Variants in KCNIP4 observed in about 807,000 individuals in gnomAD.
KCNIP4 encodes the protein potassium voltage-gated channel interacting protein 4.
Under a neutral mutation model 34.0 loss-of-function variants are expected in KCNIP4, and 12 were observed. The ratio of observed to expected loss-of-function variants is 0.35; its 90% CI spans 0.23 to 0.57. KCNIP4 has a LOEUF of 0.57. Among genes scored for constraint, KCNIP4 ranks in the 20% least tolerant of loss-of-function variants. The pLI, the probability that KCNIP4 is intolerant of heterozygous loss-of-function variation, is 0.83. For synonymous variants in KCNIP4, 124 were observed against 102.2 expected (o/e 1.21, Z -1.29); for missense variants, 238 against 311.7 (o/e 0.76, Z 1.78).
chr4:21,127,498 C>T (rs978426490), intron 1 of KCNIP4, among the ~76,000 whole-genome samples: 3 of 152,134 alleles, frequency 2.0e-5, no homozygotes, highest in Admixed American at 1.3e-4. Context: ...ATCATCTGCA[C>T]TTCCATCTTA....
At position 20,855,451 on chromosome 4, in the gene KCNIP4, C is replaced by T. The variant is rs868291754; in HGVS notation, c.164-4784G>A. Among the ~76,000 whole-genome samples, 3 of 152,270 alleles carry T rather than the reference C, an allele frequency of 2.0e-5. No individual in the cohort carries two copies. In the South Asian group the frequency reaches 6.2e-4, roughly 32 times the overall value. On this transcript the variant is annotated intron_variant, in intron 2 of 8. Transcript: ENST00000382152. ...ATCCCAGAGCCACTAGGACCCCAAT[C>T]CCTTGTCCCATGGGTCAGTTGGAAA...
intron 1 of KCNIP4, among the ~76,000 whole-genome samples, chr4:21,826,749 CA>C (rs1722698553): frequency 6.6e-6 from 1 of 151,946 alleles, no homozygotes; most frequent in Non-Finnish European, 1.5e-5. Flanking sequence ...CTATACATAG[CA>C]AAATATATTT....
chr4:20,904,800 C>T (rs1263403634), intron 1 of KCNIP4, among the ~76,000 whole-genome samples: 4 of 152,116 alleles, frequency 2.6e-5, no homozygotes, highest in Non-Finnish European at 4.4e-5. Context: ...TCCTTTCTGT[C>T]TAAACCAATC....
chr4:21,498,201 C>A (rs1479490350), intron 1 of KCNIP4, among the ~76,000 whole-genome samples: 1 of 152,234 alleles, frequency 6.6e-6, no homozygotes, highest in East Asian at 1.9e-4. Flanking sequence ...ATATAGAAAA[C>A]TAATACGAAA....
intron 3 of KCNIP4, among the ~76,000 whole-genome samples, chr4:20,820,965 A>G (rs1717031763): frequency 6.6e-6 from 1 of 152,198 alleles, no homozygotes; most frequent in African/African-American, 2.4e-5. Context: ...GTGGAGGCAT[A>G]GCTACCTCCA....
At chr4:21,731,114 C>CA (rs36075428) in intron 1 of KCNIP4, among the ~76,000 whole-genome samples, 51,222 of 135,020 alleles carry the variant, frequency 0.38, 10,554 homozygotes, top group East Asian at 0.76. Context: ...GAACCTGTCT[C>CA]AAAAAAAAAA....
chr4:21,948,139 T>C (rs1034093565), intron 1 of KCNIP4, among the ~76,000 whole-genome samples: 3 of 152,114 alleles, frequency 2.0e-5, no homozygotes, highest in African/African-American at 7.2e-5. Context: ...ACAGTTGTAA[T>C]GAAGAAACGT....
At chr4:21,859,605 G>A (rs2087395273) in intron 1 of KCNIP4, among the ~76,000 whole-genome samples, 1 of 149,744 alleles carries the variant, frequency 6.7e-6, no homozygotes, top group Non-Finnish European at 1.5e-5. Flanking sequence ...TTCAGCCTGG[G>A]CGACAGAGCA....
At chr4:21,781,356 C>T (rs1719564508) in intron 1 of KCNIP4, among the ~76,000 whole-genome samples, 1 of 152,124 alleles carries the variant, frequency 6.6e-6, no homozygotes, top group African/African-American at 2.4e-5. Flanking sequence ...CAATTAACTC[C>T]TTCCCTTTAT....
At chr4:21,184,624 G>A (rs1479551023) in intron 1 of KCNIP4, among the ~76,000 whole-genome samples, 1 of 152,156 alleles carries the variant, frequency 6.6e-6, no homozygotes, top group Non-Finnish European at 1.5e-5. Context: ...TTCCACTTAG[G>A]TTCGTTCTCT....
intron 1 of KCNIP4, among the ~76,000 whole-genome samples, chr4:21,057,864 A>C (rs1009929565): frequency 1.3e-5 from 2 of 152,210 alleles, no homozygotes; most frequent in African/African-American, 4.8e-5. Context: ...TCTCATTGTT[A>C]TAGCATGTCA....
intron 1 of KCNIP4, among the ~76,000 whole-genome samples, chr4:21,650,475 T>C (rs1747400559): frequency 6.6e-6 from 1 of 152,162 alleles, no homozygotes; most frequent in Non-Finnish European, 1.5e-5. Context: ...CTCCTTGAGG[T>C]TTATGCCTCT....
chr4:21,742,109 A>C (rs934711329), intron 1 of KCNIP4, among the ~76,000 whole-genome samples: 9 of 152,118 alleles, frequency 5.9e-5, no homozygotes, highest in African/African-American at 2.2e-4. Flanking sequence ...TAAATAAAAA[A>C]CTCAAGTACC....
At chr4:21,444,241 T>C (rs988855054) in intron 1 of KCNIP4, among the ~76,000 whole-genome samples, 21 of 151,964 alleles carry the variant, frequency 1.4e-4, no homozygotes, top group African/African-American at 4.8e-4. Flanking sequence ...TTCCAATCAA[T>C]AGAAAAAGAG....
intron 1 of KCNIP4, among the ~76,000 whole-genome samples, chr4:21,135,630 G>T (rs1035361618): frequency 6.6e-6 from 1 of 152,118 alleles, no homozygotes; most frequent in Non-Finnish European, 1.5e-5. Context: ...CTACATATAC[G>T]TACAATCTAT....
chr4:21,661,915 C>T (rs189492842), intron 1 of KCNIP4, among the ~76,000 whole-genome samples: 9 of 152,136 alleles, frequency 5.9e-5, no homozygotes, highest in African/African-American at 2.2e-4. Context: ...AAAAAATTAG[C>T]TTAGATCGGA....
chr4:21,247,378 A>T (rs1359177350), intron 1 of KCNIP4, among the ~76,000 whole-genome samples: 1 of 151,922 alleles, frequency 6.6e-6, no homozygotes, highest in Non-Finnish European at 1.5e-5. Context: ...GTTCTTGTTC[A>T]TTAGGACTCT....
chr4:21,177,578 G>T (rs990626717), intron 1 of KCNIP4, among the ~76,000 whole-genome samples: 1 of 151,870 alleles, frequency 6.6e-6, no homozygotes, highest in African/African-American at 2.4e-5. Context: ...TGTAGGGGTC[G>T]CAGCATTCTG....
intron 1 of KCNIP4, among the ~76,000 whole-genome samples, chr4:21,432,092 A>ATATATATATATAT (rs1726519952): frequency 8.5e-4 from 4 of 4,708 alleles, no homozygotes; most frequent in African/African-American, 3.8e-3. Context: ...AAATGGAAGC[A>ATATATATATATAT]TATATATATA....
Sources: allele counts gnomAD v4.1 joint callset (sites outside exome capture counted in the v4.1 genomes callset), GRCh38; gene constraint gnomAD v4.1.1; transcripts MANE v1.5; gene names NCBI Gene and HGNC (gene_info 2026-07-23, HGNC 2026-07-21).